CCDC40: variants seen among roughly 807,000 people sequenced by gnomAD.
The protein encoded by CCDC40 is coiled-coil domain 40 molecular ruler complex subunit.
CCDC40 carries 104 observed loss-of-function variants against 124.5 expected under a neutral mutation model. That is an observed-to-expected ratio of 0.84 (90% CI 0.71 to 0.98). CCDC40 has a LOEUF of 0.98. Ranked by LOEUF, CCDC40 falls within the 50% of genes least tolerant of loss-of-function variation. The probability of loss-of-function intolerance (pLI) is 0.00; values close to 1 mark genes in which losing one functional copy is unlikely to be tolerated. For missense variants in CCDC40, 1,463 were observed against 1,503.9 expected (o/e 0.97, Z 0.45); for synonymous variants, 580 against 602.9 (o/e 0.96, Z 0.56).
Position 80,049,914 on chromosome 17 carries a change from G to A in CCDC40, c.864G>A (p.Met288Ile). The change falls in exon 6 of 20, where the codon ATG becomes ATA. Residue 288 changes from methionine to isoleucine, a missense_variant. Transcript: ENST00000397545. ...LVVLDPDHPL[M>I]VRFQAALKNY... ...GTTTTCCATTGTTCTAGCCCCTGAT[G>A]GTAAGATTCCAGGCTGCCCTGAAGA... 1 of 1,614,000 alleles carries A rather than the reference G, an allele frequency of 6.2e-7. No homozygotes were observed. Among genetic ancestry groups the A allele is most frequent in the East Asian group, 2.2e-5 (1 of 44,874 alleles).
chr17:80,095,494 C>G (rs747803814), intron 18 of CCDC40, 43 bp downstream of exon 18: 8 of 1,590,436 alleles, frequency 5.0e-6, no homozygotes, highest in Admixed American at 3.4e-5. Flanking sequence ...GCTCCTCTCT[C>G]TGGGATTCAA....
intron 10 of CCDC40, among the ~76,000 whole-genome samples, chr17:80,075,122 A>G (rs2038280280): frequency 6.6e-6 from 1 of 151,842 alleles, no homozygotes; most frequent in South Asian, 2.1e-4. Flanking sequence ...TGGGGTTTCA[A>G]CCGTGTTGGC....
intron 10 of CCDC40, among the ~76,000 whole-genome samples, chr17:80,071,070 C>T (rs190960027): frequency 4.5e-4 from 68 of 152,324 alleles, no homozygotes; most frequent in African/African-American, 1.5e-3. Flanking sequence ...TGAATAACCA[C>T]GAGGAGCCCA....
At position 80,088,015 on chromosome 17, in the gene CCDC40, CTG is replaced by C. The variant is rs1017349377; in HGVS notation, c.2625_2626del (p.Arg877GlyfsTer120). The C allele has an allele frequency of 2.5e-6, 4 of 1,610,746 alleles. No homozygotes were observed. In the African/African-American group the frequency reaches 5.3e-5, roughly 22 times the overall value. The stretch of plus-strand genomic sequence containing the variant: ...CCCGCCCCCTCCCCCATGCAGGCCT[CTG>C]AGAGGGAGACCATCAAGATGCAGGA... On this transcript the variant is annotated frameshift_variant, in exon 16 of 20. Coordinates refer to ENST00000397545, the MANE Select transcript of CCDC40 (RefSeq NM_017950.4). LOFTEE classifies it high-confidence loss of function.
intron 9 of CCDC40, among the ~76,000 whole-genome samples, chr17:80,063,223 A>G (rs904412895): frequency 6.6e-6 from 1 of 152,066 alleles, no homozygotes; most frequent in Non-Finnish European, 1.5e-5. Context: ...AGATTATGAA[A>G]CAATATATAG....
At chr17:80,070,237 G>A (rs2038155697) in intron 10 of CCDC40, among the ~76,000 whole-genome samples, 1 of 152,208 alleles carries the variant, frequency 6.6e-6, no homozygotes, top group Admixed American at 6.5e-5. Flanking sequence ...ATATACCCAA[G>A]GACACTGGTG....
At chr17:80,069,426 T>G (rs2038132959) in intron 10 of CCDC40, among the ~76,000 whole-genome samples, 1 of 152,218 alleles carries the variant, frequency 6.6e-6, no homozygotes, top group Non-Finnish European at 1.5e-5. Context: ...AACGTGTTAT[T>G]CTGTTTCCTG....
rs1190317517 is a variant in CCDC40 at position 80,066,041 on chromosome 17, G to T, written c.1562+435G>T. On this transcript the variant is annotated intron_variant, in intron 10 of 19. Transcript: ENST00000397545. The surrounding 1 kb of genome is among the most constrained non-coding windows in gnomAD (Gnocchi z 4.4). ...AAGGGGAGGAAGAGGCCTCCTCTGG[G>T]CATCCCCTCACTTCTGGGGATGGAT... is the stretch of plus-strand genomic sequence containing the variant. 2.9e-6 allele frequency: 2 copies of T among 697,618 alleles called. No homozygotes were observed. Among genetic ancestry groups the T allele is most frequent in the South Asian group, 1.5e-5 (1 of 67,406 alleles). 43.2% of individuals were successfully genotyped at this position (697,618 alleles called of 1,614,324 possible).
rs756889595 is a variant in CCDC40 at position 80,089,797 on chromosome 17, A to G, written c.2745A>G (p.Gln915=). 6.2e-7 allele frequency: 1 copy of G among 1,614,216 alleles called. No individual in the cohort carries two copies. Among genetic ancestry groups the G allele is most frequent in the Non-Finnish European group, 8.5e-7 (1 of 1,180,032 alleles). ...TTATGCTTTGGGAGAAAAAAATCCA[A>G]CTGGCAAAAGAGATGCGTTCCTCAG... ...HQIMLWEKKI[Q]LAKEMRSSVD... The change falls in exon 17 of 20, where the codon CAA becomes CAG. Residue 915 remains glutamine, a synonymous_variant. Transcript: ENST00000397545.
At chr17:80,038,667 A>T (rs1047731959) in intron 2 of CCDC40, among the ~76,000 whole-genome samples, 3 of 151,546 alleles carry the variant, frequency 2.0e-5, no homozygotes, top group African/African-American at 7.3e-5. Flanking sequence ...TCTACTAAAA[A>T]TACAAAAATT....
rs1467979 is a variant in CCDC40, at chr17:80,086,944, C to T, written c.2450-663C>T. The T allele has an allele frequency of 0.25, 40,227 of 164,030 alleles. 5,900 individuals are homozygous for T. The highest frequency in any genetic ancestry group is 0.42 in the African/African-American group (17,549 of 41,592). 10.2% of individuals were successfully genotyped at this position (164,030 alleles called of 1,614,324 possible). On this transcript the variant is annotated intron_variant, in intron 14 of 19. Coordinates refer to ENST00000397545, the MANE Select transcript of CCDC40 (RefSeq NM_017950.4). The surrounding 1 kb of genome is among the most constrained non-coding windows in gnomAD (Gnocchi z 5.5). Reference sequence around the variant, plus strand: ...CCCTATGGAGCTGTCAGCTGAGTATCGGTGTCCCAAGGCAAGAGCTGCCGA... The same window carrying T: ...CCCTATGGAGCTGTCAGCTGAGTATTGGTGTCCCAAGGCAAGAGCTGCCGA...
chr17:80,099,267 G>A, intron 19 of CCDC40, among the ~76,000 whole-genome samples: 1 of 151,958 alleles, frequency 6.6e-6, no homozygotes. Context: ...CTCCAGCCTG[G>A]GCGACAGAGC....
rs1567813761 is a variant in CCDC40 at position 80,090,316 on chromosome 17, A to T, written c.2832+432A>T. The T allele has an allele frequency of 8.1e-6, 10 of 1,234,684 alleles. 2 individuals carry two copies. The highest frequency in any genetic ancestry group is 1.1e-5 in the Non-Finnish European group (10 of 927,532). 76.5% of individuals were successfully genotyped at this position (1,234,684 alleles called of 1,614,324 possible). ...GCGCGCAGGCACGTGCACGAACAAC[A>T]CGGGACGCGCGCAGGCACGTGCACG... On this transcript the variant is annotated intron_variant, in intron 17 of 19. Coordinates refer to ENST00000397545, the MANE Select transcript of CCDC40 (RefSeq NM_017950.4).
chr17:80,073,871 T>C (rs976599123), intron 10 of CCDC40, among the ~76,000 whole-genome samples: 14 of 148,980 alleles, frequency 9.4e-5, no homozygotes, highest in African/African-American at 3.5e-4. Context: ...AATTTTTGTA[T>C]GTTAGTAGAG....
Position 80,087,885 on chromosome 17 carries a change from T to G in CCDC40, c.2619+109T>G. On this transcript the variant is annotated intron_variant, in intron 15 of 19. Coordinates refer to ENST00000397545, the MANE Select transcript of CCDC40 (RefSeq NM_017950.4). The surrounding 1 kb of genome is among the most constrained non-coding windows in gnomAD (Gnocchi z 4.5). ...ATGTAATTTCCACACCCGTTCAAGA[T>G]GCTTGTAGGGGTATTAGAAATCCAG... 7.8e-7 allele frequency: 1 copy of G among 1,289,586 alleles called. No homozygotes were observed. The highest frequency in any genetic ancestry group is 1.1e-6 in the Non-Finnish European group (1 of 885,830). The allele number at this position is 1,289,586 out of a possible 1,614,324, so 79.9% of individuals were successfully genotyped here.
At chr17:80,082,841 G>C (rs1005695489) in intron 12 of CCDC40, among the ~76,000 whole-genome samples, 3 of 152,238 alleles carry the variant, frequency 2.0e-5, no homozygotes, top group Non-Finnish European at 2.9e-5. Context: ...TTCCAGAAGA[G>C]GGCAGCAAAG....
At chr17:80,090,751 C>A in intron 17 of CCDC40, 1 of 1,382,878 alleles carries the variant, frequency 7.2e-7, no homozygotes, top group Admixed American at 3.2e-5. Context: ...GCTAAAGGTT[C>A]AGGGCCTTAA....
chr17:80,076,041 T>C (rs2038303066), intron 10 of CCDC40, among the ~76,000 whole-genome samples: 1 of 152,236 alleles, frequency 6.6e-6, no homozygotes, highest in South Asian at 2.1e-4. Flanking sequence ...AGGTGGAATC[T>C]GCTCCTGTGA....
At chr17:80,084,704 G>C (rs373453911) in intron 12 of CCDC40, 39 bp from the exon 13 acceptor site, 1 of 1,611,852 alleles carries the variant, frequency 6.2e-7, no homozygotes, top group Non-Finnish European at 8.5e-7. Context: ...GGCCTTGGGT[G>C]GGGGCAATAT....
Sources: gnomAD v4.1 joint callset for allele counts (sites outside exome capture counted in the v4.1 genomes callset) on GRCh38, gnomAD v4.1.1 for gene constraint, Gnocchi (gnomAD v3.1) non-coding constraint, MANE v1.5 for transcripts, NCBI Gene and HGNC (gene_info 2026-07-23, HGNC 2026-07-21) for gene names.